Variants in PREX1 observed in about 807,000 individuals in gnomAD.
PREX1 encodes the protein phosphatidylinositol 3,4,5-trisphosphate-dependent Rac exchanger 1 protein.
PREX1 carries 41 observed loss-of-function variants against 198.3 expected under a neutral mutation model. That is an observed-to-expected ratio of 0.21 (90% CI 0.16 to 0.27). The LOEUF (loss-of-function observed/expected upper bound fraction) is 0.27. Among genes scored for constraint, PREX1 ranks in the 10% least tolerant of loss-of-function variants. The pLI, the probability that PREX1 is intolerant of heterozygous loss-of-function variation, is 1.00. For synonymous variants in PREX1, 843 were observed against 887.2 expected (o/e 0.95, Z 0.89); for missense variants, 1,620 against 2,200.7 (o/e 0.74, Z 5.28).
At position 48,827,923 on chromosome 20, in the gene PREX1, G is replaced by C; in HGVS notation, c.-63C>G. 1.4e-6 allele frequency: 1 copy of C among 713,476 alleles called. No individual in the cohort carries two copies. Among genetic ancestry groups the C allele is most frequent in the Non-Finnish European group, 1.7e-6 (1 of 585,226 alleles). The allele number at this position is 713,476 out of a possible 1,614,324, so 44.2% of individuals were successfully genotyped here. On this transcript the variant is annotated 5_prime_UTR_variant, in exon 1 of 40. Transcript: ENST00000371941. The surrounding 1 kb of genome is among the most constrained non-coding windows in gnomAD (Gnocchi z 4.1). ...GCCGAGCGGCAACTCAGGCGTCCAG[G>C]CGCCCCATCCCGGACGGGGCGCGCC...
upstream of PREX1, among the ~76,000 whole-genome samples, chr20:48,830,128 T>A (rs1323872941): frequency 2.0e-5 from 3 of 151,898 alleles, no homozygotes; most frequent in East Asian, 3.9e-4. Flanking sequence ...TTTTAGGAGG[T>A]CCAAGTGGGA....
At chr20:48,803,809 T>C (rs1185399589) in intron 1 of PREX1, among the ~76,000 whole-genome samples, 1 of 152,220 alleles carries the variant, frequency 6.6e-6, no homozygotes, top group Non-Finnish European at 1.5e-5. Flanking sequence ...GGTTCATGGA[T>C]GGGTCCATGA....
intron 1 of PREX1, among the ~76,000 whole-genome samples, chr20:48,773,788 C>T (rs193016949): frequency 2.7e-4 from 41 of 152,198 alleles, no homozygotes; most frequent in Middle Eastern, 3.4e-3. Context: ...AAGGTGGGAG[C>T]CATGGAGGGT....
At chr20:48,749,799 G>A (rs1044612968) in intron 1 of PREX1, among the ~76,000 whole-genome samples, 1 of 152,136 alleles carries the variant, frequency 6.6e-6, no homozygotes, top group Non-Finnish European at 1.5e-5. Context: ...TTACTGGAAT[G>A]CTAAGCTTGT....
At chr20:48,700,563 T>C (rs2089868521) in intron 7 of PREX1, among the ~76,000 whole-genome samples, 190 bp downstream of exon 7, 1 of 152,242 alleles carries the variant, frequency 6.6e-6, no homozygotes, top group South Asian at 2.1e-4. Context: ...CTTTTTACTT[T>C]TTTAAATGTG....
the PREX1 span, among the ~76,000 whole-genome samples, chr20:48,859,773 T>C: frequency 6.6e-6 from 1 of 152,146 alleles, no homozygotes; most frequent in Non-Finnish European, 1.5e-5. Context: ...ATCCCAGCAC[T>C]TTGGGAGGCC....
chr20:48,735,405 G>A (rs758833247), intron 3 of PREX1, among the ~76,000 whole-genome samples: 10 of 152,152 alleles, frequency 6.6e-5, no homozygotes, highest in Non-Finnish European at 1.2e-4. Flanking sequence ...CAAGCCCCCA[G>A]ATGGCCTTCC....
chr20:48,700,872 T>C lies in PREX1; in HGVS notation c.798A>G (p.Thr266=), dbSNP rs776942377. 5 of 1,614,046 alleles carry C rather than the reference T, an allele frequency of 3.1e-6. No homozygotes were observed. The highest frequency in any genetic ancestry group is 4.2e-6 in the Non-Finnish European group (5 of 1,180,032). The stretch of plus-strand genomic sequence containing the variant: ...GCAGGAGGAGCTGAGTGCAGATGTC[T>C]GTGAGGTTGGAACCCTGGAAGCGCA... ...HIEGWEGSNL[T]DICTQLLLQG... The change falls in exon 7 of 40, where the codon ACA becomes ACG. Residue 266 remains threonine, a synonymous_variant. Transcript: ENST00000371941.
chr20:48,785,617 C>T (rs1239668967), intron 1 of PREX1, among the ~76,000 whole-genome samples: 2 of 152,218 alleles, frequency 1.3e-5, no homozygotes, highest in Non-Finnish European at 2.9e-5. Context: ...GTTCGGACTC[C>T]AGGGACACCC....
chr20:48,852,371 C>T, the PREX1 span, among the ~76,000 whole-genome samples: 1 of 151,982 alleles, frequency 6.6e-6, no homozygotes, highest in Non-Finnish European at 1.5e-5. Context: ...TTTCAAGATC[C>T]TCCCAAAATG....
intron 1 of PREX1, among the ~76,000 whole-genome samples, chr20:48,804,711 C>A (rs1191185112): frequency 6.6e-6 from 1 of 152,162 alleles, no homozygotes; most frequent in African/African-American, 2.4e-5. Flanking sequence ...AGCAGGAGAC[C>A]ATGGTGGCTG....
chr20:48,685,950 G>A (rs2089781508), intron 10 of PREX1, among the ~76,000 whole-genome samples: 1 of 143,982 alleles, frequency 6.9e-6, no homozygotes, highest in African/African-American at 2.5e-5. Context: ...CCTAACAGTG[G>A]AGACAGATGT....
chr20:48,679,873 A>T, intron 11 of PREX1, 119 bp from the exon 12 acceptor site: 1 of 746,230 alleles, frequency 1.3e-6, no homozygotes, highest in Non-Finnish European at 2.3e-6. Context: ...AGTCACACCC[A>T]CCAGCATCAG....
intron 1 of PREX1, among the ~76,000 whole-genome samples, chr20:48,752,605 G>C (rs2090138839): frequency 6.6e-6 from 1 of 152,162 alleles, no homozygotes; most frequent in Non-Finnish European, 1.5e-5. Context: ...AGGAAACTGA[G>C]GCACTCGATG....
rs899276998 is a variant in PREX1 at position 48,684,902 on chromosome 20, G to A, written c.1335-3567C>T. Reference sequence around the variant, plus strand: ...TTCGCGCCTACTGCTTCCTAAGCCAGGAATGCTGTTCCCCACACCCTCTCA... The same window carrying A: ...TTCGCGCCTACTGCTTCCTAAGCCAAGAATGCTGTTCCCCACACCCTCTCA... On this transcript the variant is annotated intron_variant, in intron 10 of 39. Coordinates refer to ENST00000371941, the MANE Select transcript of PREX1 (RefSeq NM_020820.4). This position sits in a 1 kb window ranked among gnomAD's most constrained non-coding sequence, Gnocchi z 4.2. Among the ~76,000 whole-genome samples, 1 of 152,202 alleles carries A rather than the reference G, an allele frequency of 6.6e-6. No individual in the cohort carries two copies. Among genetic ancestry groups the A allele is most frequent in the Non-Finnish European group, 1.5e-5 (1 of 68,034 alleles).
At position 48,813,032 on chromosome 20, in the gene PREX1, C is replaced by T. The variant is rs188355392; in HGVS notation, c.219+14610G>A. On this transcript the variant is annotated intron_variant, in intron 1 of 39. Transcript: ENST00000371941. ...CGCAGTAACTGCAAACACAGTCATACGTGGTGGGCGTCCTAGGGAGCCGGC... is the reference window on the plus strand; with the variant it reads ...CGCAGTAACTGCAAACACAGTCATATGTGGTGGGCGTCCTAGGGAGCCGGC... Among the ~76,000 whole-genome samples the T allele has an allele frequency of 4.6e-5, 7 of 152,320 alleles. No homozygotes were observed. The East Asian group carries it at 7.7e-4, about 17-fold the overall frequency.
intron 2 of PREX1, among the ~76,000 whole-genome samples, 187 bp downstream of exon 2, chr20:48,747,621 CT>C (rs1808268362): frequency 6.6e-6 from 1 of 152,236 alleles, no homozygotes; most frequent in Non-Finnish European, 1.5e-5. Flanking sequence ...CCAAGCACAG[CT>C]TGCTCACAGG....
At chr20:48,704,854 CTTG>C (rs893013163) in intron 6 of PREX1, among the ~76,000 whole-genome samples, 2 of 152,176 alleles carry the variant, frequency 1.3e-5, no homozygotes, top group Non-Finnish European at 2.9e-5. Flanking sequence ...CCGCGCCAGG[CTTG>C]TTTCTTTCTT....
At chr20:48,796,536 G>A (rs534713048) in intron 1 of PREX1, among the ~76,000 whole-genome samples, 1 of 152,088 alleles carries the variant, frequency 6.6e-6, no homozygotes, top group East Asian at 1.9e-4. Context: ...AGGGAACTTG[G>A]AGGCTAACAT....
Sources: gnomAD v4.1 joint callset for allele counts (sites outside exome capture counted in the v4.1 genomes callset) on GRCh38, gnomAD v4.1.1 for gene constraint, Gnocchi (gnomAD v3.1) non-coding constraint, MANE v1.5 for transcripts, NCBI Gene and HGNC (gene_info 2026-07-23, HGNC 2026-07-21) for gene names.